Variants in DPP10 observed in about 807,000 individuals in gnomAD.
The protein encoded by DPP10 is inactive dipeptidyl peptidase 10.
DPP10 carries 33 observed loss-of-function variants against 120.9 expected under a neutral mutation model. The observed-to-expected ratio is 0.27, with a 90% CI of 0.21 to 0.37. DPP10 has a LOEUF of 0.37. Among genes scored for constraint, DPP10 ranks in the 10% least tolerant of loss-of-function variants. The pLI is 1.00. For missense variants in DPP10, 816 were observed against 942.8 expected, an observed-to-expected ratio of 0.87 and a Z score of 1.76; for synonymous variants, 337 against 326.1, an observed-to-expected ratio of 1.03 and a Z score of -0.36.
intron 3 of DPP10, among the ~76,000 whole-genome samples, chr2:115,365,416 A>G (rs1439166028): frequency 6.6e-6 from 1 of 152,028 alleles, no homozygotes; most frequent in East Asian, 1.9e-4. Flanking sequence ...AAGAACTAAA[A>G]GTAACTGCAG....
At chr2:114,894,975 A>C (rs1692845340) in intron 1 of DPP10, among the ~76,000 whole-genome samples, 1 of 152,148 alleles carries the variant, frequency 6.6e-6, no homozygotes. Flanking sequence ...TGTTTTTCTT[A>C]CCAGAAATAT....
In DPP10 at chr2:115,237,188, C is replaced by G. The variant is rs1283014303; in HGVS notation, c.61-72051C>G. Among the ~76,000 whole-genome samples the G allele has an allele frequency of 2.0e-5, 3 of 151,750 alleles. No individual in the cohort carries two copies. In the South Asian group the frequency reaches 6.2e-4, roughly 32 times the overall value. ...GCATCATTTTTGCAGCAGTATATGC[C>G]TAATTCATGTGTTTGGGTCACATTT... On this transcript the variant is annotated intron_variant, in intron 1 of 25. Coordinates refer to ENST00000410059, the MANE Select transcript of DPP10 (RefSeq NM_020868.6).
chr2:115,838,375 G>T (rs1689748807), intron 24 of DPP10, among the ~76,000 whole-genome samples: 3 of 152,064 alleles, frequency 2.0e-5, no homozygotes, highest in Non-Finnish European at 4.4e-5. Flanking sequence ...TATCTTATTT[G>T]TACTTCTTGC....
At chr2:115,465,620 C>A (rs895193055) in intron 3 of DPP10, among the ~76,000 whole-genome samples, 2 of 152,112 alleles carry the variant, frequency 1.3e-5, no homozygotes, top group Admixed American at 1.3e-4. Context: ...GTCAGGAGTT[C>A]ATGAACAGCC....
chr2:114,704,692 T>G (rs987012025), intron 1 of DPP10, among the ~76,000 whole-genome samples: 1 of 152,152 alleles, frequency 6.6e-6, no homozygotes, highest in Admixed American at 6.6e-5. Context: ...TATGATAGAT[T>G]TCAAATGTGA....
chr2:115,307,229 C>T (rs1273566686), intron 1 of DPP10, among the ~76,000 whole-genome samples: 4 of 152,022 alleles, frequency 2.6e-5, no homozygotes, highest in Non-Finnish European at 5.9e-5. Flanking sequence ...GCTATTATTA[C>T]TCTTTGTTAG....
At chr2:115,449,229 A>G (rs1253180680) in intron 3 of DPP10, among the ~76,000 whole-genome samples, 2 of 152,150 alleles carry the variant, frequency 1.3e-5, no homozygotes, top group Non-Finnish European at 2.9e-5. Context: ...TTTGGAAAAC[A>G]TTTGATGCAA....
intron 1 of DPP10, among the ~76,000 whole-genome samples, chr2:114,885,556 T>C (rs1692001930): frequency 6.6e-6 from 1 of 152,188 alleles, no homozygotes; most frequent in Admixed American, 6.5e-5. Context: ...TTTTTATCTT[T>C]ATTAAAATAT....
chr2:114,451,976 C>T (rs549891916), intron 1 of DPP10, among the ~76,000 whole-genome samples: 1 of 152,250 alleles, frequency 6.6e-6, no homozygotes, highest in East Asian at 1.9e-4. Flanking sequence ...TAGAAAGGTA[C>T]CAGCTACTTT....
intron 1 of DPP10, among the ~76,000 whole-genome samples, chr2:114,877,577 A>G (rs961807836): frequency 1.3e-5 from 2 of 152,114 alleles, no homozygotes; most frequent in Non-Finnish European, 2.9e-5. Context: ...TTTATGGCCA[A>G]CAGTGAACGG....
At chr2:115,104,681 T>G (rs1467146240) in intron 1 of DPP10, among the ~76,000 whole-genome samples, 2 of 152,054 alleles carry the variant, frequency 1.3e-5, no homozygotes, top group Non-Finnish European at 2.9e-5. Flanking sequence ...AGTCAAAAAT[T>G]TACTTGATCT....
At chr2:115,168,477 G>C (rs1362640178) in intron 1 of DPP10, among the ~76,000 whole-genome samples, 1 of 152,184 alleles carries the variant, frequency 6.6e-6, no homozygotes, top group Non-Finnish European at 1.5e-5. Context: ...AGTGAATGCT[G>C]TCCTGCCTTG....
intron 1 of DPP10, among the ~76,000 whole-genome samples, chr2:114,517,268 C>A (rs1684667877): frequency 6.6e-6 from 1 of 152,290 alleles, no homozygotes; most frequent in South Asian, 2.1e-4. Flanking sequence ...TGCCTGTAAT[C>A]CCAACACTTT....
At chr2:115,695,895 G>A (rs2091557781) in intron 7 of DPP10, among the ~76,000 whole-genome samples, 1 of 151,868 alleles carries the variant, frequency 6.6e-6, no homozygotes, top group Admixed American at 6.6e-5. Flanking sequence ...AAATACCAGT[G>A]GAGAGAGAGA....
At chr2:115,673,274 C>A (rs2090045730) in intron 5 of DPP10, among the ~76,000 whole-genome samples, 1 of 152,068 alleles carries the variant, frequency 6.6e-6, no homozygotes, top group Admixed American at 6.5e-5. Flanking sequence ...ATCTTTTATT[C>A]AATGTCAGGA....
Position 115,105,543 on chromosome 2 carries a change from C to T in DPP10, c.61-203696C>T, listed in dbSNP as rs566572465. ...TCATTCATTACCATGGTGACAGCAC[C>T]AAGTCATTCATGAGGAGTCTGCCCC... On this transcript the variant is annotated intron_variant, in intron 1 of 25. Coordinates refer to ENST00000410059, the MANE Select transcript of DPP10 (RefSeq NM_020868.6). 7.8e-4 allele frequency among the ~76,000 whole-genome samples: 118 copies of T among 151,826 alleles called. 1 individual carries two copies. The Middle Eastern group carries it at 0.02, about 26-fold the overall frequency.
intron 11 of DPP10, among the ~76,000 whole-genome samples, chr2:115,757,515 A>G (rs1679571433): frequency 1.3e-5 from 2 of 152,050 alleles, no homozygotes; most frequent in South Asian, 2.1e-4. Context: ...ATTCACTATC[A>G]TGAGAACAGC....
At chr2:114,532,256 CATATATATATATATATATATATAT>C (rs66716319) in intron 1 of DPP10, among the ~76,000 whole-genome samples, 2,332 of 86,294 alleles carry the variant, frequency 0.027, 194 homozygotes, top group East Asian at 0.25. Context: ...AATAAATCTC[CATATATATATATATATATATATAT>C]ATATATATAT....
chr2:115,338,234 A>G (rs1284437701), intron 2 of DPP10, among the ~76,000 whole-genome samples: 1 of 152,116 alleles, frequency 6.6e-6, no homozygotes, highest in African/African-American at 2.4e-5. Context: ...TAATAGTATA[A>G]AAATAAGAAT....
Sources: gnomAD v4.1 joint callset for allele counts (sites outside exome capture counted in the v4.1 genomes callset) on GRCh38, gnomAD v4.1.1 for gene constraint, MANE v1.5 for transcripts, NCBI Gene and HGNC (gene_info 2026-07-23, HGNC 2026-07-21) for gene names.